USP31: variants seen among roughly 807,000 people sequenced by gnomAD.
USP31 encodes the protein ubiquitin specific peptidase 31, also known as ubiquitin carboxyl-terminal hydrolase 31.
A neutral mutation model predicts 119.4 loss-of-function variants in USP31; 44 were observed. The observed-to-expected ratio is 0.37, with a 90% CI of 0.29 to 0.47. USP31 has a LOEUF of 0.47. USP31 is among the 20% of genes least tolerant of loss of function. USP31 has a pLI of 0.99. For synonymous variants in USP31, 749 were observed against 705.6 expected (o/e 1.06, Z -0.97); for missense variants, 1,643 against 1,730.2 (o/e 0.95, Z 0.89).
chr16:23,125,981 T>C (rs542291884), intron 1 of USP31, among the ~76,000 whole-genome samples: 124 of 152,108 alleles, frequency 8.2e-4, no homozygotes, highest in Admixed American at 2.6e-3. Flanking sequence ...TGCTCATGAA[T>C]ATGCACACAA....
intron 1 of USP31, among the ~76,000 whole-genome samples, chr16:23,130,898 A>G (rs975161507): frequency 1.3e-5 from 2 of 152,184 alleles, no homozygotes; most frequent in South Asian, 4.1e-4. Flanking sequence ...TAGTTAGTTC[A>G]TTTTTGGATC....
intron 13 of USP31, among the ~76,000 whole-genome samples, chr16:23,077,192 T>C (rs1488040921): frequency 6.6e-6 from 1 of 152,228 alleles, no homozygotes; most frequent in Non-Finnish European, 1.5e-5. Flanking sequence ...AAGCGCTTCC[T>C]ACAGCAGGCA....
intron 6 of USP31, among the ~76,000 whole-genome samples, chr16:23,094,863 A>G (rs1285163536): frequency 1.3e-5 from 2 of 152,246 alleles, no homozygotes; most frequent in Non-Finnish European, 2.9e-5. Flanking sequence ...TACCAACATC[A>G]AAGATCAAAG....
chr16:23,143,103 TAATA>T (rs1903398631), intron 1 of USP31, among the ~76,000 whole-genome samples: 3 of 152,020 alleles, frequency 2.0e-5, no homozygotes, highest in Admixed American at 2.0e-4. Flanking sequence ...GAATTCTCAC[TAATA>T]AATAAGCACC....
intron 11 of USP31, among the ~76,000 whole-genome samples, chr16:23,083,463 A>T (rs1197734586): frequency 6.6e-6 from 1 of 152,122 alleles, no homozygotes; most frequent in Non-Finnish European, 1.5e-5. Flanking sequence ...TACTGAATGA[A>T]TGAGCCCCTG....
At chr16:23,130,833 G>A (rs1245921005) in intron 1 of USP31, among the ~76,000 whole-genome samples, 1 of 152,206 alleles carries the variant, frequency 6.6e-6, no homozygotes, top group African/African-American at 2.4e-5. Flanking sequence ...AGATACATCA[G>A]CGTAAGTCAC....
rs1194019521 is a variant in USP31, at chr16:23,147,218, C to A, written c.633+1420G>T. Among the ~76,000 whole-genome samples, 3 of 152,346 alleles carry A rather than the reference C, an allele frequency of 2.0e-5. No individual in the cohort carries two copies. In the East Asian group the frequency reaches 5.8e-4, roughly 29 times the overall value. The stretch of plus-strand genomic sequence containing the variant: ...CCGCCTCCCAGGTTCAAGCAATTCT[C>A]CTGCCTCAGCCTCCTGAGTAGCCAG... On this transcript the variant is annotated intron_variant, in intron 1 of 15. Coordinates refer to ENST00000219689, the MANE Select transcript of USP31 (RefSeq NM_020718.4).
rs1161061507 is a variant in USP31, at chr16:23,149,225, T to TCGC, written c.43_45dup (p.Ala15dup). 3 of 1,131,790 alleles carry TCGC rather than the reference T, an allele frequency of 2.7e-6. No individual in the cohort carries two copies. Among genetic ancestry groups the TCGC allele is most frequent in the Admixed American group, 1.0e-4 (2 of 19,526 alleles). The allele number at this position is 1,131,790 out of a possible 1,614,324, so 70.1% of individuals were successfully genotyped here. A position where few individuals can be genotyped will look rare whatever the true frequency, so the allele number is the denominator to read the frequency against. On this transcript the variant is annotated inframe_insertion, in exon 1 of 16. Transcript: ENST00000219689. ...CTGAAGGAGCGCTTCTCCTTCCCGCTCGCCGCCGCCGGCGGCCCGGACCCA... is the reference window on the plus strand; with the variant it reads ...CTGAAGGAGCGCTTCTCCTTCCCGCTCGCCGCCGCCGCCGGCGGCCCGGACCCA...
Position 23,068,297 on chromosome 16 carries a change from C to T in USP31, c.3808G>A (p.Glu1270Lys), listed in dbSNP as rs1436560568. The change falls in exon 16 of 16, where the codon GAG (glutamate) becomes AAG (lysine). Residue 1270 changes from glutamate to lysine, a missense_variant. Transcript: ENST00000219689. ...KSVCKNTGDD[E>K]AERGHQPPAS... ...GGAGGCTGGTGGCCTCTCTCTGCCTCGTCGTCCCCGGTGTTCTTACAGACA... is the reference window on the plus strand; with the variant it reads ...GGAGGCTGGTGGCCTCTCTCTGCCTTGTCGTCCCCGGTGTTCTTACAGACA... 1.2e-6 allele frequency: 2 copies of T among 1,613,932 alleles called. No individual in the cohort carries two copies. Among genetic ancestry groups the T allele is most frequent in the Non-Finnish European group, 1.7e-6 (2 of 1,179,840 alleles).
chr16:23,079,658 G>T, intron 13 of USP31: 1 of 291,428 alleles, frequency 3.4e-6, no homozygotes, highest in Non-Finnish European at 6.3e-6. Context: ...AATGGGGAGC[G>T]CAGGTTAGGT....
chr16:23,076,648 A>C (rs1258869408), intron 13 of USP31, among the ~76,000 whole-genome samples: 2 of 152,246 alleles, frequency 1.3e-5, no homozygotes, highest in Non-Finnish European at 2.9e-5. Context: ...GCATTTTCCA[A>C]GATCTATTCT....
intron 1 of USP31, among the ~76,000 whole-genome samples, chr16:23,113,106 A>T (rs1447956745): frequency 6.6e-6 from 1 of 152,210 alleles, no homozygotes; most frequent in East Asian, 1.9e-4. Context: ...GAAGACAAAC[A>T]TGTAGGTGTC....
At chr16:23,075,041 T>G (rs568873387) in intron 13 of USP31, among the ~76,000 whole-genome samples, 4 of 152,068 alleles carry the variant, frequency 2.6e-5, no homozygotes, top group Non-Finnish European at 5.9e-5. Flanking sequence ...TCCGCAAGTA[T>G]GGAGACTTAA....
In USP31 at chr16:23,063,771, TTTTA is replaced by T. The variant is rs1365716973; in HGVS notation, c.*4271_*4274del. On this transcript the variant is annotated 3_prime_UTR_variant, in exon 16 of 16. Transcript: ENST00000219689. ...AGACTTAACATTTCATGTCTATATG[TTTTA>T]TTGTTTGCTTGCATAGGTAGTAAGA... 1 of 152,202 alleles carries T rather than the reference TTTTA, an allele frequency of 6.6e-6. No individual in the cohort carries two copies. The highest frequency in any genetic ancestry group is 2.4e-5 in the African/African-American group (1 of 41,546). The allele number at this position is 152,202 out of a possible 1,614,324, so 9.4% of individuals were successfully genotyped here. A position where few individuals can be genotyped will look rare whatever the true frequency, so the allele number is the denominator to read the frequency against.
rs904077222 is a variant in USP31, at chr16:23,078,078, C to T, written c.2176+1868G>A. 3.3e-5 allele frequency among the ~76,000 whole-genome samples: 5 copies of T among 152,090 alleles called. No individual in the cohort carries two copies. The East Asian group carries it at 7.8e-4, about 24-fold the overall frequency. ...CCTGTAATCCCAGCACTTTGGGAGG[C>T]CAAGGAGGGCAGATCACCAGGTCAG... On this transcript the variant is annotated intron_variant, in intron 13 of 15. Coordinates refer to ENST00000219689, the MANE Select transcript of USP31 (RefSeq NM_020718.4).
chr16:23,141,276 G>C (rs1376861167), intron 1 of USP31, among the ~76,000 whole-genome samples: 1 of 152,054 alleles, frequency 6.6e-6, no homozygotes, highest in Non-Finnish European at 1.5e-5. Flanking sequence ...TGTACCCTCA[G>C]CTCTTTCCAA....
rs1054589355 is a variant in USP31 at position 23,104,384 on chromosome 16, C to T, written c.1089+1057G>A. Among the ~76,000 whole-genome samples, 3 of 152,226 alleles carry T rather than the reference C, an allele frequency of 2.0e-5. No homozygotes were observed. The South Asian group carries it at 6.2e-4, about 32-fold the overall frequency. ...TTATTTCACCAATTTAAACCACATGCAAAAGGAGCCAGACAGTGCTGGAAG... is the reference window on the plus strand; with the variant it reads ...TTATTTCACCAATTTAAACCACATGTAAAAGGAGCCAGACAGTGCTGGAAG... On this transcript the variant is annotated intron_variant, in intron 5 of 15. Transcript: ENST00000219689.
chr16:23,084,462 A>C (rs544303401), intron 11 of USP31, among the ~76,000 whole-genome samples: 1 of 152,174 alleles, frequency 6.6e-6, no homozygotes, highest in Non-Finnish European at 1.5e-5. Flanking sequence ...AATTTTAATT[A>C]ATTTTTTAAA....
At position 23,123,918 on chromosome 16, in the gene USP31, G is replaced by A. The variant is rs527282822; in HGVS notation, c.634-15735C>T. Reference sequence around the variant, plus strand: ...GAGAGCTGAGGTGAGAAGATTACTTGAGCCTGGGAGATAAAGGCTACAGTG... The same window carrying A: ...GAGAGCTGAGGTGAGAAGATTACTTAAGCCTGGGAGATAAAGGCTACAGTG... On this transcript the variant is annotated intron_variant, in intron 1 of 15. Coordinates refer to ENST00000219689, the MANE Select transcript of USP31 (RefSeq NM_020718.4). Among the ~76,000 whole-genome samples the A allele has an allele frequency of 3.3e-5, 5 of 152,020 alleles. No homozygotes were observed. In the South Asian group the frequency reaches 1.0e-3, roughly 32 times the overall value.
Sources: gnomAD v4.1 joint callset for allele counts (sites outside exome capture counted in the v4.1 genomes callset) on GRCh38, gnomAD v4.1.1 for gene constraint, MANE v1.5 for transcripts, NCBI Gene and HGNC (gene_info 2026-07-23, HGNC 2026-07-21) for gene names.